Variants in SGCZ observed in about 807,000 individuals in gnomAD.
The protein encoded by SGCZ is sarcoglycan zeta, also known as zeta-sarcoglycan.
A neutral mutation model predicts 41.3 loss-of-function variants in SGCZ; 40 were observed. That is an observed-to-expected ratio of 0.97 (90% CI 0.75 to 1.26). The LOEUF is 1.26. Among genes scored for constraint, SGCZ ranks in the 50% most tolerant of loss-of-function variants. The pLI, the probability that SGCZ is intolerant of heterozygous loss-of-function variation, is 0.00. For missense variants in SGCZ, 552 were observed against 369.8 expected, an observed-to-expected ratio of 1.49 and a Z score of -4.04; for synonymous variants, 206 against 137.5, an observed-to-expected ratio of 1.50 and a Z score of -3.49.
At chr8:15,208,030 T>G (rs1801124445) in intron 1 of SGCZ, among the ~76,000 whole-genome samples, 3 of 152,224 alleles carry the variant, frequency 2.0e-5, no homozygotes, top group African/African-American at 7.2e-5. Context: ...AATGTAAATT[T>G]CCTACTCTCT....
At chr8:14,615,474 T>C (rs892573604) in intron 1 of SGCZ, among the ~76,000 whole-genome samples, 6 of 152,202 alleles carry the variant, frequency 3.9e-5, no homozygotes, top group African/African-American at 1.4e-4. Flanking sequence ...TAAATAGTTC[T>C]TTGCTCAAAT....
At chr8:15,043,783 T>C (rs1405031237) in intron 1 of SGCZ, among the ~76,000 whole-genome samples, 2 of 152,258 alleles carry the variant, frequency 1.3e-5, no homozygotes, top group East Asian at 3.9e-4. Flanking sequence ...AAAAAATATT[T>C]AGAATCATTT....
At chr8:14,857,672 T>C (rs1224400134) in intron 1 of SGCZ, among the ~76,000 whole-genome samples, 1 of 152,118 alleles carries the variant, frequency 6.6e-6, no homozygotes, top group African/African-American at 2.4e-5. Context: ...GAGACCAGCC[T>C]GGCCAACATA....
At chr8:15,163,040 C>T (rs971736604) in intron 1 of SGCZ, among the ~76,000 whole-genome samples, 4 of 152,150 alleles carry the variant, frequency 2.6e-5, no homozygotes, top group Non-Finnish European at 4.4e-5. Flanking sequence ...AGTTGTATTT[C>T]TCAGGTATGC....
intron 1 of SGCZ, among the ~76,000 whole-genome samples, chr8:14,868,653 T>C (rs1018503936): frequency 6.6e-6 from 1 of 152,016 alleles, no homozygotes; most frequent in Admixed American, 6.6e-5. Context: ...AAAGAGACAA[T>C]TAGAACAGAA....
intron 3 of SGCZ, among the ~76,000 whole-genome samples, chr8:14,275,376 G>A (rs953877413): frequency 3.9e-5 from 6 of 152,108 alleles, no homozygotes; most frequent in Non-Finnish European, 8.8e-5. Context: ...AGTTCTCTTT[G>A]TAATAATTCA....
intron 1 of SGCZ, among the ~76,000 whole-genome samples, chr8:15,112,870 T>A (rs917433499): frequency 3.3e-5 from 5 of 152,182 alleles, no homozygotes; most frequent in African/African-American, 1.2e-4. Flanking sequence ...AGATTCATGA[T>A]CAAATAAACA....
At chr8:14,490,446 T>C (rs1161549034) in intron 2 of SGCZ, among the ~76,000 whole-genome samples, 1 of 152,192 alleles carries the variant, frequency 6.6e-6, no homozygotes, top group African/African-American at 2.4e-5. Flanking sequence ...TTGAGTATGA[T>C]AAGTGTTTCA....
Position 14,825,388 on chromosome 8 carries a change from C to T in SGCZ, c.40-270462G>A, listed in dbSNP as rs190939076. ...ACATGTGCTTAGATTTATAGTAATA[C>T]GGAACTTACTGAAGAACTCAAAAAA... On this transcript the variant is annotated intron_variant, in intron 1 of 7. Coordinates refer to ENST00000382080, the MANE Select transcript of SGCZ (RefSeq NM_139167.4). 2.1e-3 allele frequency among the ~76,000 whole-genome samples: 323 copies of T among 152,108 alleles called. 2 individuals are homozygous for T. The highest frequency in any genetic ancestry group is 6.8e-3 in the African/African-American group (283 of 41,508).
At chr8:14,189,461 T>A (rs1805020452) in intron 4 of SGCZ, among the ~76,000 whole-genome samples, 1 of 152,206 alleles carries the variant, frequency 6.6e-6, no homozygotes, top group African/African-American at 2.4e-5. Flanking sequence ...TTATTCCCAA[T>A]AATCCTTTTG....
chr8:14,604,086 G>A (rs1296021239), intron 1 of SGCZ, among the ~76,000 whole-genome samples: 1 of 151,738 alleles, frequency 6.6e-6, no homozygotes. Flanking sequence ...TATTGTGACT[G>A]TTTATATAAA....
chr8:14,982,901 T>C (rs973858694), intron 1 of SGCZ, among the ~76,000 whole-genome samples: 4 of 152,214 alleles, frequency 2.6e-5, no homozygotes, highest in Non-Finnish European at 5.9e-5. Context: ...TGTGCCATTT[T>C]GCTATATGGC....
At chr8:15,216,288 C>G (rs1204450101) in intron 1 of SGCZ, among the ~76,000 whole-genome samples, 1 of 139,326 alleles carries the variant, frequency 7.2e-6, no homozygotes, top group Non-Finnish European at 1.5e-5. Context: ...GGCACGATCT[C>G]GGCTCAAGGC....
chr8:14,432,914 CAAAAAAAAAAA>C (rs767979164), intron 2 of SGCZ, among the ~76,000 whole-genome samples: 51 of 75,600 alleles, frequency 6.7e-4, no homozygotes, highest in African/African-American at 2.9e-3. Flanking sequence ...ACTGTGTCTC[CAAAAAAAAAAA>C]AAAAAAAAAA....
At chr8:14,244,866 G>C (rs923991389) in intron 3 of SGCZ, among the ~76,000 whole-genome samples, 2 of 152,076 alleles carry the variant, frequency 1.3e-5, no homozygotes. Context: ...TTGTGAATGG[G>C]AGTTGACTCA....
At chr8:14,953,551 AG>A (rs756517094) in intron 1 of SGCZ, among the ~76,000 whole-genome samples, 1 of 152,208 alleles carries the variant, frequency 6.6e-6, no homozygotes, top group Non-Finnish European at 1.5e-5. Flanking sequence ...GCACTGCCGT[AG>A]CCATGGAAAC....
At chr8:14,108,713 G>A (rs992516142) in intron 5 of SGCZ, among the ~76,000 whole-genome samples, 36 of 152,076 alleles carry the variant, frequency 2.4e-4, no homozygotes, top group Non-Finnish European at 1.2e-4. Flanking sequence ...CCGTATCACA[G>A]GATATGAATG....
At chr8:15,179,023 T>C (rs1800081766) in intron 1 of SGCZ, among the ~76,000 whole-genome samples, 1 of 152,200 alleles carries the variant, frequency 6.6e-6, no homozygotes. Context: ...GTTACTCTCA[T>C]GTAGTAGACT....
chr8:15,213,623 A>T (rs1801307149), intron 1 of SGCZ, among the ~76,000 whole-genome samples: 1 of 151,766 alleles, frequency 6.6e-6, no homozygotes, highest in African/African-American at 2.4e-5. Flanking sequence ...ACATTCCTAC[A>T]TAGATTTATA....
Sources: gnomAD v4.1 joint callset for allele counts (sites outside exome capture counted in the v4.1 genomes callset) on GRCh38, gnomAD v4.1.1 for gene constraint, MANE v1.5 for transcripts, NCBI Gene and HGNC (gene_info 2026-07-23, HGNC 2026-07-21) for gene names.